DCDC1: variants seen among roughly 807,000 people sequenced by gnomAD.
DCDC1 encodes the protein doublecortin domain containing 1, also known as doublecortin domain-containing protein 1.
A neutral mutation model predicts 178.3 loss-of-function variants in DCDC1; 200 were observed. The ratio of observed to expected loss-of-function variants is 1.12; its 90% CI spans 1.00 to 1.26. The LOEUF (loss-of-function observed/expected upper bound fraction) is 1.26, where lower values mean the gene tolerates loss of function less well. Among genes scored for constraint, DCDC1 ranks in the 50% most tolerant of loss-of-function variants. The probability of loss-of-function intolerance (pLI) is 0.00; values close to 1 mark genes in which losing one functional copy is unlikely to be tolerated. For synonymous variants in DCDC1, 690 were observed against 604.8 expected (o/e 1.14, Z -2.07); for missense variants, 1,983 against 1,749.2 (o/e 1.13, Z -2.38).
intron 20 of DCDC1, among the ~76,000 whole-genome samples, chr11:31,027,040 A>AT (rs1309516814): frequency 1.3e-5 from 2 of 151,680 alleles, no homozygotes; most frequent in African/African-American, 2.4e-5. Flanking sequence ...ATTTCCCATC[A>AT]TTGTGTAGTT....
intron 9 of DCDC1, among the ~76,000 whole-genome samples, chr11:31,152,042 C>T (rs940852042): frequency 6.6e-6 from 1 of 152,056 alleles, no homozygotes; most frequent in Non-Finnish European, 1.5e-5. Context: ...TGTCTCATAA[C>T]ATCACATCAT....
intron 31 of DCDC1, 64 bp from the exon 32 acceptor site, chr11:30,903,747 G>T: frequency 7.7e-7 from 1 of 1,295,928 alleles, no homozygotes; most frequent in Non-Finnish European, 1.0e-6. Context: ...TGATCATTAA[G>T]AGCTTGTCAT....
chr11:31,222,796 G>A (rs1974427271), intron 9 of DCDC1, among the ~76,000 whole-genome samples: 2 of 151,910 alleles, frequency 1.3e-5, no homozygotes, highest in African/African-American at 2.4e-5. Context: ...ATTGGATCAG[G>A]GCCCTACCCT....
chr11:31,103,672 T>C lies in DCDC1; in HGVS notation c.1849A>G (p.Asn617Asp). The C allele has an allele frequency of 1.3e-6, 1 of 765,088 alleles. No homozygotes were observed. The highest frequency in any genetic ancestry group is 2.3e-4 in the Middle Eastern group (1 of 4,430). 47.4% of individuals were successfully genotyped at this position (765,088 alleles called of 1,614,324 possible). Residue 617 changes from asparagine (N) to aspartate (D), a missense_variant, in exon 14 of 39, where the codon AAT (asparagine) becomes GAT (aspartate). By Grantham distance (23) the Asn-to-Asp change is conservative (BLOSUM62 1). Transcript: ENST00000684477. ...MVAYKTFLDPNAVLLPGCGNW... is the reference protein window; with the variant it reads ...MVAYKTFLDPDAVLLPGCGNW... ...CCACATCCAGGTAGCAGAACAGCAT[T>C]AGGATCCAAAAAGGTCTTATATGCA... is the stretch of plus-strand genomic sequence containing the variant.
Position 30,914,444 on chromosome 11 carries a change from C to CA in DCDC1, c.3653+1066dup, listed in dbSNP as rs538868651. Among the ~76,000 whole-genome samples, 5 of 152,180 alleles carry CA rather than the reference C, an allele frequency of 3.3e-5. No homozygotes were observed. In the South Asian group the frequency reaches 1.0e-3, roughly 32 times the overall value. ...CCTTTTGAGAAGCCAGTGAAAATCT[C>CA]AGCTCTTTCCCAGAAAAAATAAATT... On this transcript the variant is annotated intron_variant, in intron 27 of 38. Transcript: ENST00000684477.
chr11:31,366,729 A>G (rs1324710219), intron 1 of DCDC1, among the ~76,000 whole-genome samples: 2 of 152,258 alleles, frequency 1.3e-5, no homozygotes, highest in African/African-American at 4.8e-5. Flanking sequence ...TTGTCAAAGA[A>G]GAAGGCTTTA....
chr11:30,928,677 CA>C (rs993634186), intron 22 of DCDC1, among the ~76,000 whole-genome samples: 13 of 1,098 alleles, frequency 0.012, no homozygotes, highest in African/African-American at 0.043. Flanking sequence ...TATACAGTTT[CA>C]AAAACTATCA....
intron 9 of DCDC1, among the ~76,000 whole-genome samples, chr11:31,240,525 G>T (rs1424461524): frequency 6.6e-6 from 1 of 151,958 alleles, no homozygotes; most frequent in Non-Finnish European, 1.5e-5. Flanking sequence ...TGAACACTAA[G>T]ACTGATAGCC....
rs1177195345 is a variant in DCDC1, at chr11:30,921,012, A to C, written c.3134-77T>G. On this transcript the variant is annotated intron_variant, in intron 24 of 38. Coordinates refer to ENST00000684477, the MANE Select transcript of DCDC1 (RefSeq NM_001387274.1). ...ATCAGGAATTTAAAAACACACACTA[A>C]AATACAAATGCAAAATAATTCCATC... is the stretch of plus-strand genomic sequence containing the variant. The C allele has an allele frequency of 4.2e-6, 6 of 1,435,212 alleles. No homozygotes were observed. In the African/African-American group the frequency reaches 8.6e-5, roughly 20 times the overall value. The allele number at this position is 1,435,212 out of a possible 1,614,324, so 88.9% of individuals were successfully genotyped here.
chr11:31,001,405 T>G (rs528360695), intron 20 of DCDC1, among the ~76,000 whole-genome samples: 235 of 152,276 alleles, frequency 1.5e-3, no homozygotes, highest in African/African-American at 5.5e-3. Flanking sequence ...TAAGAAATCT[T>G]TTGCCTGCTT....
At position 30,952,474 on chromosome 11, in the gene DCDC1, G is replaced by A. The variant is rs1479967675; in HGVS notation, c.2686C>T (p.Pro896Ser). The A allele has an allele frequency of 3.2e-6, 5 of 1,582,110 alleles. No homozygotes were observed. Among genetic ancestry groups the A allele is most frequent in the Non-Finnish European group, 2.6e-6 (3 of 1,168,148 alleles). Residue 896 changes from proline to serine, a missense_variant, in exon 21 of 39, where the codon CCT (proline) becomes TCT (serine). By Grantham distance (74) the Pro-to-Ser change is moderately conservative. Coordinates refer to ENST00000684477, the MANE Select transcript of DCDC1 (RefSeq NM_001387274.1). ...TTAAGTTGGCCACTGGGAAGGACAGGCCACATGTAGGTAAGCTTGTTCCAT... is the reference window on the plus strand; with the variant it reads ...TTAAGTTGGCCACTGGGAAGGACAGACCACATGTAGGTAAGCTTGTTCCAT... ...PLWNKLTYMW[P>S]VLPSGQLNEE...
intron 20 of DCDC1, among the ~76,000 whole-genome samples, chr11:30,971,296 C>T (rs145342310): frequency 4.2e-4 from 64 of 152,132 alleles, no homozygotes; most frequent in African/African-American, 1.4e-3. Context: ...CAAAAGAACA[C>T]AATAATTCTC....
chr11:31,300,960 G>A (rs191961632), intron 6 of DCDC1, among the ~76,000 whole-genome samples: 104 of 152,218 alleles, frequency 6.8e-4, no homozygotes, highest in Admixed American at 5.6e-3. Flanking sequence ...CCAGCCACAC[G>A]CAGGCTATAG....
At chr11:31,050,316 C>T (rs901345789) in intron 20 of DCDC1, among the ~76,000 whole-genome samples, 1 of 152,116 alleles carries the variant, frequency 6.6e-6, no homozygotes, top group Non-Finnish European at 1.5e-5. Flanking sequence ...ACCTGGGAAT[C>T]TCACCTTCAT....
At chr11:31,294,636 A>G (rs1461184397) in intron 6 of DCDC1, among the ~76,000 whole-genome samples, 4 of 310 alleles carry the variant, frequency 0.013, no homozygotes, top group Non-Finnish European at 0.018. Flanking sequence ...GAGGGAGGGA[A>G]GGGGAGGGGA....
At chr11:30,989,180 G>T (rs1950834577) in intron 20 of DCDC1, among the ~76,000 whole-genome samples, 1 of 152,150 alleles carries the variant, frequency 6.6e-6, no homozygotes, top group African/African-American at 2.4e-5. Context: ...GTGATGGAGA[G>T]AAATCAAGAG....
At chr11:31,257,581 T>A (rs1307053456) in intron 8 of DCDC1, among the ~76,000 whole-genome samples, 2 of 151,966 alleles carry the variant, frequency 1.3e-5, no homozygotes, top group East Asian at 3.9e-4. Flanking sequence ...GAACAGTGTA[T>A]GCATGAAAAT....
intron 1 of DCDC1, among the ~76,000 whole-genome samples, chr11:31,341,382 TATAGATAG>T (rs10552471): frequency 0.065 from 8,788 of 134,664 alleles, 328 homozygotes; most frequent in East Asian, 0.12. Flanking sequence ...ATTCCAGTTT[TATAGATAG>T]ATAGATAGAT....
chr11:30,999,283 T>G (rs1486604475), intron 20 of DCDC1, among the ~76,000 whole-genome samples: 1 of 152,202 alleles, frequency 6.6e-6, no homozygotes, highest in African/African-American at 2.4e-5. Flanking sequence ...AACTCTGATT[T>G]ATTAGTTCTG....
Sources: allele counts gnomAD v4.1 joint callset (sites outside exome capture counted in the v4.1 genomes callset), GRCh38; gene constraint gnomAD v4.1.1; transcripts MANE v1.5; gene names NCBI Gene and HGNC (gene_info 2026-07-23, HGNC 2026-07-21).